The following ATXN1 variants were observed in gnomAD, a reference collection of about 807,000 sequenced individuals.
The protein encoded by ATXN1 is ataxin-1.
ATXN1 carries 8 observed loss-of-function variants against 56.4 expected under a neutral mutation model. The ratio of observed to expected loss-of-function variants is 0.14; its 90% confidence interval spans 0.08 to 0.26. The LOEUF is 0.26. Among genes scored for constraint, ATXN1 ranks in the 10% least tolerant of loss-of-function variants. The probability of loss-of-function intolerance (pLI) is 1.00; values close to 1 mark genes in which losing one functional copy is unlikely to be tolerated. For missense variants in ATXN1, 987 were observed against 1,106.5 expected (o/e 0.89, Z 1.53); for synonymous variants, 514 against 494.6 (o/e 1.04, Z -0.52).
chr6:16,647,466 T>C (rs1456157813), intron 3 of ATXN1, among the ~76,000 whole-genome samples: 2 of 152,208 alleles, frequency 1.3e-5, no homozygotes, highest in Non-Finnish European at 2.9e-5. Flanking sequence ...CTCAGCAGCA[T>C]TATAACTATT....
chr6:16,661,070 C>G (rs1249401849), intron 2 of ATXN1, among the ~76,000 whole-genome samples: 1 of 151,698 alleles, frequency 6.6e-6, no homozygotes, highest in Non-Finnish European at 1.5e-5. Context: ...AACTCCTGAC[C>G]TCGTGATTCA....
chr6:16,697,187 T>C (rs1261220994), intron 2 of ATXN1, among the ~76,000 whole-genome samples: 1 of 152,240 alleles, frequency 6.6e-6, no homozygotes, highest in Non-Finnish European at 1.5e-5. Context: ...TGCTTTAGAT[T>C]ATGAATTGGG....
chr6:16,478,714 G>A (rs1760377146), intron 6 of ATXN1, among the ~76,000 whole-genome samples: 1 of 152,092 alleles, frequency 6.6e-6, no homozygotes. Flanking sequence ...TTTAGCCCTG[G>A]AGAAATTACA....
intron 2 of ATXN1, among the ~76,000 whole-genome samples, chr6:16,663,945 A>C (rs2113370953): frequency 6.6e-6 from 1 of 152,338 alleles, no homozygotes; most frequent in East Asian, 1.9e-4. Context: ...CATAAAAAGA[A>C]ATACAACAAA....
At chr6:16,348,114 A>G (rs907321970) in intron 6 of ATXN1, among the ~76,000 whole-genome samples, 4 of 152,182 alleles carry the variant, frequency 2.6e-5, no homozygotes, top group African/African-American at 7.2e-5. Context: ...AACGCACCTA[A>G]TTCTGGACAC....
chr6:16,468,838 A>C lies in ATXN1; in HGVS notation c.-161+17134T>G, dbSNP rs145790838. On this transcript the variant is annotated intron_variant, in intron 6 of 7. Transcript: ENST00000436367. ...GCTTGAGAATATACATTGAAACATC[A>C]CCTTACTTTTGAACAGAACACAAAC... Among the ~76,000 whole-genome samples the C allele has an allele frequency of 2.9e-3, 445 of 152,158 alleles. 2 individuals are homozygous for C. The highest frequency in any genetic ancestry group is 9.9e-3 in the African/African-American group (409 of 41,504).
intron 6 of ATXN1, among the ~76,000 whole-genome samples, chr6:16,414,356 A>T (rs1758860949): frequency 6.6e-6 from 1 of 151,902 alleles, no homozygotes; most frequent in Non-Finnish European, 1.5e-5. Flanking sequence ...AACCCATCCA[A>T]CCCATTTTGG....
chr6:16,386,763 A>C (rs1414667486), intron 6 of ATXN1, among the ~76,000 whole-genome samples: 2 of 152,142 alleles, frequency 1.3e-5, no homozygotes, highest in African/African-American at 4.8e-5. Flanking sequence ...AATGAGCGTA[A>C]CTCCTTGGGC....
chr6:16,475,813 C>T (rs752398688), intron 6 of ATXN1, among the ~76,000 whole-genome samples: 1 of 151,874 alleles, frequency 6.6e-6, no homozygotes, highest in Non-Finnish European at 1.5e-5. Flanking sequence ...CCTTCTTAGC[C>T]TGAGGTTCCT....
intron 3 of ATXN1, among the ~76,000 whole-genome samples, chr6:16,626,520 G>T (rs1763409675): frequency 6.6e-6 from 1 of 152,076 alleles, no homozygotes; most frequent in Non-Finnish European, 1.5e-5. Context: ...ACGAACTCCT[G>T]ACCTCAGATG....
chr6:16,662,917 TA>T (rs1758348718), intron 2 of ATXN1, among the ~76,000 whole-genome samples: 1 of 151,784 alleles, frequency 6.6e-6, no homozygotes, highest in Non-Finnish European at 1.5e-5. Flanking sequence ...TACTCAGTGG[TA>T]AGGAAAAGAA....
chr6:16,718,862 T>C (rs1759691801), intron 2 of ATXN1, among the ~76,000 whole-genome samples: 1 of 152,206 alleles, frequency 6.6e-6, no homozygotes, highest in South Asian at 2.1e-4. Flanking sequence ...CTTTTGTTCA[T>C]AGGTTTTTAC....
At chr6:16,581,785 G>A (rs982555739) in intron 4 of ATXN1, among the ~76,000 whole-genome samples, 1 of 152,150 alleles carries the variant, frequency 6.6e-6, no homozygotes, top group Admixed American at 6.5e-5. Context: ...TGGTTAATAA[G>A]AGAACAAGGT....
chr6:16,657,746 A>C (rs1175539442), intron 3 of ATXN1, 30 bp downstream of exon 3: 3 of 152,230 alleles, frequency 2.0e-5, no homozygotes, highest in Non-Finnish European at 2.9e-5. Context: ...ATTTAAAGCT[A>C]AAAGATGTCA....
intron 7 of ATXN1, among the ~76,000 whole-genome samples, chr6:16,310,362 G>GA (rs1185802098): frequency 6.6e-6 from 1 of 152,060 alleles, no homozygotes; most frequent in African/African-American, 2.4e-5. Flanking sequence ...TTTAGGTAGA[G>GA]AAAAAACAAA....
chr6:16,494,187 G>C (rs1204060059), intron 5 of ATXN1, among the ~76,000 whole-genome samples: 1 of 152,130 alleles, frequency 6.6e-6, no homozygotes, highest in East Asian at 1.9e-4. Flanking sequence ...TAGACCTCAA[G>C]AAGAGTTGGA....
At chr6:16,477,231 G>T (rs1208558873) in intron 6 of ATXN1, among the ~76,000 whole-genome samples, 1 of 152,222 alleles carries the variant, frequency 6.6e-6, no homozygotes, top group Non-Finnish European at 1.5e-5. Context: ...TTGCCTAGGG[G>T]CTTCCACAGA....
intron 3 of ATXN1, among the ~76,000 whole-genome samples, chr6:16,629,307 T>C (rs1763463493): frequency 6.6e-6 from 1 of 152,154 alleles, no homozygotes; most frequent in South Asian, 2.1e-4. Flanking sequence ...TGCTCACTTT[T>C]TCATGGGGTT....
rs971409900 is a variant in ATXN1, at chr6:16,299,912, C to G, written c.*6417G>C. On this transcript the variant is annotated 3_prime_UTR_variant, in exon 8 of 8. Coordinates refer to ENST00000436367, the MANE Select transcript of ATXN1 (RefSeq NM_001128164.2). The stretch of plus-strand genomic sequence containing the variant: ...TGCACTAACTAAAGGATTTACCCCA[C>G]TCCTGGGCCAGAAAACTGAAAGAGT... The G allele has an allele frequency of 1.3e-5, 2 of 152,666 alleles. No homozygotes were observed. Among genetic ancestry groups the G allele is most frequent in the African/African-American group, 4.8e-5 (2 of 41,462 alleles). The allele number at this position is 152,666 out of a possible 1,614,324, so 9.5% of individuals were successfully genotyped here. A position where few individuals can be genotyped will look rare whatever the true frequency, so the allele number is the denominator to read the frequency against.
Sources: allele counts gnomAD v4.1 joint callset (sites outside exome capture counted in the v4.1 genomes callset), GRCh38; gene constraint gnomAD v4.1.1; transcripts MANE v1.5; gene names NCBI Gene and HGNC (gene_info 2026-07-23, HGNC 2026-07-21).